The following KIF21A variants were observed in gnomAD, a reference collection of about 807,000 sequenced individuals.
The protein encoded by KIF21A is kinesin-like protein KIF21A.
KIF21A carries 114 observed loss-of-function variants against 202.9 expected under a neutral mutation model. The ratio of observed to expected loss-of-function variants is 0.56; its 90% confidence interval spans 0.48 to 0.66. The LOEUF (loss-of-function observed/expected upper bound fraction) is 0.66. KIF21A is among the 30% of genes least tolerant of loss of function. KIF21A has a pLI of 0.00. For missense variants in KIF21A, 1,677 were observed against 1,994.9 expected (o/e 0.84, Z 3.04); for synonymous variants, 667 against 670.8 (o/e 0.99, Z 0.09).
chr12:39,416,479 C>T (rs894101918), intron 1 of KIF21A, among the ~76,000 whole-genome samples: 2 of 151,498 alleles, frequency 1.3e-5, no homozygotes, highest in African/African-American at 4.9e-5. Flanking sequence ...GACTGTAATC[C>T]CAGCTACTCA....
chr12:39,364,063 A>C (rs530587422), intron 6 of KIF21A, among the ~76,000 whole-genome samples: 38 of 152,208 alleles, frequency 2.5e-4, no homozygotes, highest in South Asian at 6.2e-4. Context: ...GCATCCAATT[A>C]TTTAAAAACT....
intron 35 of KIF21A, among the ~76,000 whole-genome samples, chr12:39,304,425 G>A (rs977812716): frequency 5.9e-5 from 9 of 152,188 alleles, no homozygotes; most frequent in African/African-American, 2.2e-4. Context: ...CCACGTGAAT[G>A]TCCTTTATTA....
chr12:39,329,852 C>G (rs114461220), intron 24 of KIF21A, among the ~76,000 whole-genome samples: 7 of 151,664 alleles, frequency 4.6e-5, no homozygotes, highest in Non-Finnish European at 7.4e-5. Context: ...AAGATATATA[C>G]AGAAGAAAGT....
At chr12:39,315,817 T>C in intron 30 of KIF21A, 115 bp downstream of exon 30, 1 of 797,326 alleles carries the variant, frequency 1.3e-6, no homozygotes, top group Non-Finnish European at 2.3e-6. Flanking sequence ...TGCATTTATA[T>C]GATTTACAAC....
chr12:39,303,675 A>T (rs1943180639), intron 35 of KIF21A, among the ~76,000 whole-genome samples: 3 of 152,184 alleles, frequency 2.0e-5, no homozygotes, highest in Admixed American at 6.5e-5. Context: ...GTTCAATAAT[A>T]AAAATATTAC....
In KIF21A at chr12:39,441,505, G is replaced by T. The variant is rs1592772752; in HGVS notation, c.44+1422C>A. Among the ~76,000 whole-genome samples, 4 of 151,176 alleles carry T rather than the reference G, an allele frequency of 2.6e-5. No individual in the cohort carries two copies. In the South Asian group the frequency reaches 8.4e-4, roughly 32 times the overall value. Reference sequence around the variant, plus strand: ...TGCAGTCATTAACTGGTATTAAAGGGCCAAAAGAGAGGTAGTAGCAGTGAA... The same window carrying T: ...TGCAGTCATTAACTGGTATTAAAGGTCCAAAAGAGAGGTAGTAGCAGTGAA... On this transcript the variant is annotated intron_variant, in intron 1 of 37. Coordinates refer to ENST00000361418, the MANE Select transcript of KIF21A (RefSeq NM_001173464.2).
chr12:39,415,546 C>T (rs1431382517), intron 1 of KIF21A, among the ~76,000 whole-genome samples: 1 of 152,134 alleles, frequency 6.6e-6, no homozygotes, highest in Non-Finnish European at 1.5e-5. Context: ...CGTGAGCCGC[C>T]GCGCCCGGCC....
At chr12:39,410,774 C>T (rs140469208) in intron 1 of KIF21A, among the ~76,000 whole-genome samples, 22 of 152,190 alleles carry the variant, frequency 1.4e-4, no homozygotes, top group Non-Finnish European at 3.1e-4. Context: ...ACAATAGAAA[C>T]ATCTAAATAA....
intron 10 of KIF21A, among the ~76,000 whole-genome samples, chr12:39,355,015 C>T (rs1055742129): frequency 6.6e-6 from 1 of 152,072 alleles, no homozygotes; most frequent in Admixed American, 6.6e-5. Context: ...TTCATTTATG[C>T]TTATCCCATA....
At position 39,358,171 on chromosome 12, in the gene KIF21A, A is replaced by C; in HGVS notation, c.1215+7T>G. 1 of 1,613,286 alleles carries C rather than the reference A, an allele frequency of 6.2e-7. No individual in the cohort carries two copies. The highest frequency in any genetic ancestry group is 1.3e-5 in the African/African-American group (1 of 75,020). On this transcript the variant is annotated splice_region_variant and intron_variant, in intron 8 of 37. Coordinates refer to ENST00000361418, the MANE Select transcript of KIF21A (RefSeq NM_001173464.2). ...CACAAAATGCAAAGTCAAACTCATT[A>C]GCTTACTGTTTTGTACTCCATGAGC...
At chr12:39,320,932 CAAAAAAAAAAAA>C (rs59613512) in intron 27 of KIF21A, among the ~76,000 whole-genome samples, 10 of 16,122 alleles carry the variant, frequency 6.2e-4, no homozygotes, top group South Asian at 2.4e-3. Context: ...AAGACTCTGC[CAAAAAAAAAAAA>C]AAAAAAAAAA....
chr12:39,305,299 G>A (rs11171691), intron 34 of KIF21A, among the ~76,000 whole-genome samples: 10,219 of 150,952 alleles, frequency 0.068, 533 homozygotes, highest in South Asian at 0.29. Context: ...CTGGGGGTGG[G>A]AGGCTGCAGC....
At position 39,441,660 on chromosome 12, in the gene KIF21A, T is replaced by TAAAAAAAAAAAAAAAAAAAAAAAAA. The variant is rs56245570; in HGVS notation, c.44+1266_44+1267insTTTTTTTTTTTTTTTTTTTTTTTTT. Among the ~76,000 whole-genome samples the TAAAAAAAAAAAAAAAAAAAAAAAAA allele has an allele frequency of 2.5e-3, 94 of 37,754 alleles. 12 individuals are homozygous for TAAAAAAAAAAAAAAAAAAAAAAAAA. Among genetic ancestry groups the TAAAAAAAAAAAAAAAAAAAAAAAAA allele is most frequent in the Non-Finnish European group, 3.3e-3 (59 of 17,838 alleles). 24.8% of individuals were successfully genotyped at this position (37,754 alleles called of 152,430 possible). On this transcript the variant is annotated intron_variant, in intron 1 of 37. Coordinates refer to ENST00000361418, the MANE Select transcript of KIF21A (RefSeq NM_001173464.2). The stretch of plus-strand genomic sequence containing the variant: ...ATAAAACTGTCACCTCCCTGGGTGG[T>TAAAAAAAAAAAAAAAAAAAAAAAAA]AAAAAAAAAAAAAAAAAAAACACTT...
At chr12:39,419,805 A>C (rs1170887492) in intron 1 of KIF21A, among the ~76,000 whole-genome samples, 1 of 152,160 alleles carries the variant, frequency 6.6e-6, no homozygotes, top group Non-Finnish European at 1.5e-5. Flanking sequence ...TCCTGTGTCA[A>C]GACAAATGAG....
In KIF21A at chr12:39,357,249, T is replaced by A; in HGVS notation, c.1404A>T (p.Ala468=). The change falls in exon 9 of 38, where the codon GCA becomes GCT. Residue 468 remains alanine, a splice_region_variant and synonymous_variant. Transcript: ENST00000361418. Reference sequence around the variant, plus strand: ...ACTTATCCCACCCTACCCACATACCTGCTCTGGCAAGAACATGGTTGGCCT... The same window carrying A: ...ACTTATCCCACCCTACCCACATACCAGCTCTGGCAAGAACATGGTTGGCCT... ...SDQANHVLAR[A]GEGNEEISNM... 6.2e-7 allele frequency: 1 copy of A among 1,614,020 alleles called. No homozygotes were observed. The highest frequency in any genetic ancestry group is 8.5e-7 in the Non-Finnish European group (1 of 1,179,864).
At chr12:39,411,462 T>C (rs1401810661) in intron 1 of KIF21A, among the ~76,000 whole-genome samples, 1 of 152,190 alleles carries the variant, frequency 6.6e-6, no homozygotes, top group East Asian at 1.9e-4. Flanking sequence ...CCACAATATA[T>C]TGCACATTGT....
chr12:39,409,898 C>A (rs1952942350), intron 1 of KIF21A, among the ~76,000 whole-genome samples: 2 of 150,970 alleles, frequency 1.3e-5, no homozygotes, highest in African/African-American at 4.9e-5. Flanking sequence ...ATGGCGCGAT[C>A]TTGGCTCACT....
At chr12:39,341,994 C>A (rs776093840) in intron 13 of KIF21A, 40 bp downstream of exon 13, 2 of 1,411,046 alleles carry the variant, frequency 1.4e-6, no homozygotes, top group African/African-American at 2.8e-5. Flanking sequence ...ACAACCAAAC[C>A]TGGTGACTAA....
At chr12:39,357,188 A>T (rs1948838286) in intron 9 of KIF21A, 60 bp downstream of exon 9, 1 of 1,432,540 alleles carries the variant, frequency 7.0e-7, no homozygotes, top group Non-Finnish European at 9.8e-7. Flanking sequence ...TAGTGAACAC[A>T]AAGAATGTTC....
Sources: allele counts gnomAD v4.1 joint callset (sites outside exome capture counted in the v4.1 genomes callset), GRCh38; gene constraint gnomAD v4.1.1; transcripts MANE v1.5; gene names NCBI Gene and HGNC (gene_info 2026-07-23, HGNC 2026-07-21).